The following ERBB4 variants were observed in gnomAD, a reference collection of about 807,000 sequenced individuals.
ERBB4 encodes the protein erb-b2 receptor tyrosine kinase 4.
In ERBB4, 42 loss-of-function variants were observed where a neutral mutation model predicts 158.0. That is an observed-to-expected ratio of 0.27 (90% confidence interval 0.21 to 0.34). ERBB4 has a LOEUF of 0.34. Among genes scored for constraint, ERBB4 ranks in the 10% least tolerant of loss-of-function variants. ERBB4 has a pLI of 1.00. For synonymous variants in ERBB4, 583 were observed against 558.7 expected (o/e 1.04, Z -0.61); for missense variants, 1,333 against 1,624.1 (o/e 0.82, Z 3.08).
At chr2:212,142,586 TTA>T (rs112005792) in intron 1 of ERBB4, among the ~76,000 whole-genome samples, 4,917 of 146,040 alleles carry the variant, frequency 0.034, 194 homozygotes, top group African/African-American at 0.094. Flanking sequence ...AAAGGACACA[TTA>T]TATATATATA....
At chr2:212,087,534 A>T (rs963432047) in intron 2 of ERBB4, among the ~76,000 whole-genome samples, 1 of 152,070 alleles carries the variant, frequency 6.6e-6, no homozygotes, top group Non-Finnish European at 1.5e-5. Flanking sequence ...ATCTATTAAC[A>T]ATCCTCACCC....
intron 7 of ERBB4, among the ~76,000 whole-genome samples, chr2:211,720,288 G>A (rs781425155): frequency 2.6e-5 from 4 of 152,266 alleles, no homozygotes; most frequent in Non-Finnish European, 5.9e-5. Context: ...TTCTGTCTTT[G>A]GTATCCTTCA....
At chr2:211,879,054 C>T (rs1486890872) in intron 3 of ERBB4, among the ~76,000 whole-genome samples, 1 of 152,062 alleles carries the variant, frequency 6.6e-6, no homozygotes, top group African/African-American at 2.4e-5. Context: ...GACATTAAGT[C>T]ATGGTTGGTA....
chr2:211,694,138 T>G (rs544667088), intron 12 of ERBB4, among the ~76,000 whole-genome samples: 2 of 152,338 alleles, frequency 1.3e-5, no homozygotes, highest in Admixed American at 6.5e-5. Flanking sequence ...TTCCCAAATA[T>G]GGTCACATTC....
intron 20 of ERBB4, among the ~76,000 whole-genome samples, chr2:211,467,244 C>T (rs888976904): frequency 3.3e-5 from 5 of 152,216 alleles, no homozygotes; most frequent in South Asian, 2.1e-4. Flanking sequence ...GAGCGTTAAT[C>T]GGAAAGCAAG....
At chr2:212,216,656 A>T (rs1330874392) in intron 1 of ERBB4, among the ~76,000 whole-genome samples, 1 of 151,476 alleles carries the variant, frequency 6.6e-6, no homozygotes, top group Non-Finnish European at 1.5e-5. Flanking sequence ...TATGAACTCA[A>T]ATATGAGTGT....
At chr2:211,578,488 A>T (rs568160633) in intron 19 of ERBB4, among the ~76,000 whole-genome samples, 2 of 152,366 alleles carry the variant, frequency 1.3e-5, no homozygotes, top group East Asian at 3.9e-4. Context: ...AAGAGTCCAC[A>T]TAGCCAAGAC....
At position 211,705,408 on chromosome 2, in the gene ERBB4, A is replaced by C; in HGVS notation, c.1125-17T>G. On this transcript the variant is annotated splice_polypyrimidine_tract_variant and intron_variant, in intron 9 of 27. Coordinates refer to ENST00000342788, the MANE Select transcript of ERBB4 (RefSeq NM_005235.3). The stretch of plus-strand genomic sequence containing the variant: ...TAAGGGTCCCTAGAAAATCAAGAAG[A>C]GATGTAGCCAAATTTAAATTTTACT... The C allele has an allele frequency of 6.6e-7, 1 of 1,519,666 alleles. No individual in the cohort carries two copies. Among genetic ancestry groups the C allele is most frequent in the South Asian group, 1.1e-5 (1 of 88,906 alleles). The allele number at this position is 1,519,666 out of a possible 1,614,324, so 94.1% of individuals were successfully genotyped here.
At chr2:212,007,941 C>A (rs2076294775) in intron 2 of ERBB4, among the ~76,000 whole-genome samples, 1 of 151,864 alleles carries the variant, frequency 6.6e-6, no homozygotes, top group African/African-American at 2.4e-5. Flanking sequence ...TGGTCATAAC[C>A]AGCACTATTG....
At chr2:212,436,267 CA>C (rs2092135048) in intron 1 of ERBB4, among the ~76,000 whole-genome samples, 1 of 151,686 alleles carries the variant, frequency 6.6e-6, no homozygotes, top group Non-Finnish European at 1.5e-5. Context: ...ATTTAGAAAC[CA>C]AAAAGTTTAT....
chr2:212,466,327 A>C (rs183855417), intron 1 of ERBB4, among the ~76,000 whole-genome samples: 1 of 152,356 alleles, frequency 6.6e-6, no homozygotes, highest in African/African-American at 2.4e-5. Flanking sequence ...AAATATATGA[A>C]GGACCAACTT....
At chr2:211,451,035 G>A (rs930218319) in intron 20 of ERBB4, among the ~76,000 whole-genome samples, 1 of 152,156 alleles carries the variant, frequency 6.6e-6, no homozygotes, top group African/African-American at 2.4e-5. Flanking sequence ...TTAAGATCGT[G>A]GATCTGGGTG....
At chr2:212,397,105 T>C (rs1457376287) in intron 1 of ERBB4, among the ~76,000 whole-genome samples, 2 of 152,156 alleles carry the variant, frequency 1.3e-5, no homozygotes, top group African/African-American at 4.8e-5. Context: ...AAAAAACATA[T>C]AAATGTCTTA....
chr2:212,490,035 T>A (rs1044983953), intron 1 of ERBB4, among the ~76,000 whole-genome samples: 1 of 151,860 alleles, frequency 6.6e-6, no homozygotes, highest in Non-Finnish European at 1.5e-5. Context: ...ATTATACTGT[T>A]TCTAGCCCCA....
intron 2 of ERBB4, among the ~76,000 whole-genome samples, chr2:212,058,653 C>A (rs553323060): frequency 6.6e-6 from 1 of 152,152 alleles, no homozygotes; most frequent in South Asian, 2.1e-4. Context: ...AATCAATCAA[C>A]GTAATACAGC....
At chr2:211,969,149 A>G (rs2081384146) in intron 2 of ERBB4, among the ~76,000 whole-genome samples, 2 of 151,996 alleles carry the variant, frequency 1.3e-5, no homozygotes, top group Non-Finnish European at 1.5e-5. Flanking sequence ...AGCATTTTTA[A>G]AGTGTATAAA....
Position 211,426,008 on chromosome 2 carries a change from C to A in ERBB4, c.2720-1707G>T, listed in dbSNP as rs117956135. 1.1e-4 allele frequency among the ~76,000 whole-genome samples: 17 copies of A among 152,124 alleles called. No individual in the cohort carries two copies. The East Asian group carries it at 2.9e-3, about 26-fold the overall frequency. ...CTAGAATATATATTTAAGGAGAACA[C>A]TTTATTAACTTAGGTAGGTAGTTAT... On this transcript the variant is annotated intron_variant, in intron 22 of 27. Transcript: ENST00000342788.
chr2:211,602,642 C>T (rs2068836284), intron 19 of ERBB4, among the ~76,000 whole-genome samples: 1 of 152,140 alleles, frequency 6.6e-6, no homozygotes, highest in South Asian at 2.1e-4. Flanking sequence ...AGTACAGTTA[C>T]TCTTGCCATG....
chr2:211,574,197 C>T (rs751996055), intron 19 of ERBB4, among the ~76,000 whole-genome samples: 4 of 152,140 alleles, frequency 2.6e-5, no homozygotes, highest in Non-Finnish European at 4.4e-5. Flanking sequence ...CTGGAGGGGA[C>T]ATTAAGCATG....
Sources: gnomAD v4.1 joint callset for allele counts (sites outside exome capture counted in the v4.1 genomes callset) on GRCh38, gnomAD v4.1.1 for gene constraint, MANE v1.5 for transcripts, NCBI Gene and HGNC (gene_info 2026-07-23, HGNC 2026-07-21) for gene names.